The following OLFM3 variants were observed in gnomAD, a reference collection of about 807,000 sequenced individuals.
OLFM3 encodes noelin-3.
Under a neutral mutation model 48.6 loss-of-function variants are expected in OLFM3, and 20 were observed. That is an observed-to-expected ratio of 0.41 (90% CI 0.29 to 0.60). The LOEUF (loss-of-function observed/expected upper bound fraction) is 0.60. Ranked by LOEUF, OLFM3 falls within the 20% of genes least tolerant of loss-of-function variation. OLFM3 has a pLI of 0.28. For synonymous variants in OLFM3, 222 were observed against 198.1 expected, an observed-to-expected ratio of 1.12 and a Z score of -1.01; for missense variants, 437 against 544.3, an observed-to-expected ratio of 0.80 and a Z score of 1.96.
At chr1:101,882,780 A>G (rs1026307983) in intron 1 of OLFM3, 3 of 151,832 alleles carry the variant, frequency 2.0e-5, no homozygotes, top group Non-Finnish European at 4.4e-5. Flanking sequence ...ACCAACCTCA[A>G]CAAGGCAGGG....
chr1:101,886,558 G>A (rs940083285), intron 1 of OLFM3, among the ~76,000 whole-genome samples: 1 of 152,068 alleles, frequency 6.6e-6, no homozygotes, highest in African/African-American at 2.4e-5. Flanking sequence ...ATGTTAGCTT[G>A]GGGGAACCAG....
intron 4 of OLFM3, among the ~76,000 whole-genome samples, chr1:101,817,502 T>C (rs1036008235): frequency 6.6e-6 from 1 of 152,176 alleles, no homozygotes; most frequent in African/African-American, 2.4e-5. Context: ...TTACAATCCA[T>C]ATTTATCAAT....
chr1:101,873,836 TTCC>T (rs1205828066), intron 1 of OLFM3, among the ~76,000 whole-genome samples: 1 of 151,876 alleles, frequency 6.6e-6, no homozygotes, highest in Non-Finnish European at 1.5e-5. Context: ...GATGCAATAC[TTCC>T]TCATCATTTA....
intron 1 of OLFM3, among the ~76,000 whole-genome samples, chr1:101,942,572 T>C (rs6668964): frequency 0.4 from 60,627 of 151,654 alleles, 12,338 homozygotes; most frequent in East Asian, 0.51. Context: ...CACATCATTG[T>C]TATATAGAAC....
chr1:101,826,329 CTTTA>C (rs1236646023), intron 3 of OLFM3, among the ~76,000 whole-genome samples: 5 of 151,808 alleles, frequency 3.3e-5, no homozygotes, highest in East Asian at 1.9e-4. Flanking sequence ...ATAAATATTT[CTTTA>C]TTTATTTCAG....
At chr1:101,842,769 T>C (rs538208626) in intron 1 of OLFM3, among the ~76,000 whole-genome samples, 2 of 152,198 alleles carry the variant, frequency 1.3e-5, no homozygotes, top group African/African-American at 4.8e-5. Context: ...GCAGGGGGCA[T>C]GAGCCGAACT....
chr1:101,833,183 A>G (rs1249432536), intron 2 of OLFM3, among the ~76,000 whole-genome samples: 1 of 152,230 alleles, frequency 6.6e-6, no homozygotes, highest in East Asian at 1.9e-4. Context: ...GACTCACCCT[A>G]TAAGGTTAAT....
At chr1:101,918,563 C>CT (rs55766537) in intron 1 of OLFM3, among the ~76,000 whole-genome samples, 78,939 of 142,586 alleles carry the variant, frequency 0.55, 21,624 homozygotes, top group Middle Eastern at 0.65. Context: ...CTCCTTCCTC[C>CT]TTTTTTTTTT....
chr1:101,981,575 A>G (rs1406415859), intron 1 of OLFM3, among the ~76,000 whole-genome samples: 1 of 152,192 alleles, frequency 6.6e-6, no homozygotes, highest in Non-Finnish European at 1.5e-5. Flanking sequence ...TGATATATGC[A>G]GTTCAGACAT....
At chr1:101,926,394 T>G (rs1659271401) in intron 1 of OLFM3, among the ~76,000 whole-genome samples, 1 of 152,166 alleles carries the variant, frequency 6.6e-6, no homozygotes, top group African/African-American at 2.4e-5. Context: ...CCATTTCTAC[T>G]TATCTAGGCT....
At chr1:101,988,065 T>C (rs1661298734) in intron 1 of OLFM3, among the ~76,000 whole-genome samples, 1 of 152,076 alleles carries the variant, frequency 6.6e-6, no homozygotes, top group Non-Finnish European at 1.5e-5. Context: ...TGGCTTTTCT[T>C]TATATGGCAC....
At chr1:101,923,720 C>T (rs1252598006) in intron 1 of OLFM3, among the ~76,000 whole-genome samples, 3 of 151,960 alleles carry the variant, frequency 2.0e-5, no homozygotes, top group East Asian at 1.9e-4. Context: ...TTATAATTCT[C>T]TTGACAGTTT....
At chr1:101,900,818 A>G (rs971788063) in intron 1 of OLFM3, among the ~76,000 whole-genome samples, 3 of 152,112 alleles carry the variant, frequency 2.0e-5, no homozygotes, top group Non-Finnish European at 4.4e-5. Flanking sequence ...TTGGGGATAA[A>G]GGTTAATGGC....
intron 1 of OLFM3, among the ~76,000 whole-genome samples, chr1:101,948,929 C>T (rs1265134002): frequency 6.7e-6 from 1 of 149,054 alleles, no homozygotes; most frequent in Non-Finnish European, 1.5e-5. Context: ...TAAAAAACAA[C>T]AACAAAAAAC....
chr1:101,820,907 A>G (rs908225922), intron 4 of OLFM3, among the ~76,000 whole-genome samples: 2 of 152,080 alleles, frequency 1.3e-5, no homozygotes, highest in Non-Finnish European at 2.9e-5. Flanking sequence ...GTTGAGAAGC[A>G]TTTGTGTAGA....
chr1:101,958,866 G>A (rs1660382251), intron 1 of OLFM3, among the ~76,000 whole-genome samples: 2 of 147,070 alleles, frequency 1.4e-5, no homozygotes, highest in Non-Finnish European at 1.5e-5. Flanking sequence ...TATGATTAAT[G>A]TAATTGGCAT....
intron 1 of OLFM3, among the ~76,000 whole-genome samples, chr1:101,954,509 T>G (rs1236030655): frequency 6.6e-6 from 1 of 152,090 alleles, no homozygotes; most frequent in African/African-American, 2.4e-5. Flanking sequence ...ATGTTTTAAT[T>G]TAGCTTTAAT....
chr1:101,887,934 T>C (rs986022279), intron 1 of OLFM3, among the ~76,000 whole-genome samples: 1 of 152,102 alleles, frequency 6.6e-6, no homozygotes, highest in Non-Finnish European at 1.5e-5. Flanking sequence ...AAAAAGCATA[T>C]ATTCAAATTG....
In OLFM3 at chr1:101,817,438, C is replaced by G. The variant is rs368610091; in HGVS notation, c.592+7588G>C. 4.6e-5 allele frequency among the ~76,000 whole-genome samples: 7 copies of G among 152,086 alleles called. No individual in the cohort carries two copies. The South Asian group carries it at 6.2e-4, about 14-fold the overall frequency. Reference sequence around the variant, plus strand: ...AAATGCAGTAATTGAAGAAAGTGACCGTGACCATTTTATTTCTATCATGAC... The same window carrying G: ...AAATGCAGTAATTGAAGAAAGTGACGGTGACCATTTTATTTCTATCATGAC... On this transcript the variant is annotated intron_variant, in intron 4 of 5. Transcript: ENST00000370103.
Sources: gnomAD v4.1 joint callset for allele counts (sites outside exome capture counted in the v4.1 genomes callset) on GRCh38, gnomAD v4.1.1 for gene constraint, MANE v1.5 for transcripts, NCBI Gene and HGNC (gene_info 2026-07-23, HGNC 2026-07-21) for gene names.